Variants in BBS5 observed in about 807,000 individuals in gnomAD.
The protein encoded by BBS5 is BBSome complex member BBS5.
Under a neutral mutation model 50.2 loss-of-function variants are expected in BBS5, and 39 were observed. The observed-to-expected ratio is 0.78, with a 90% CI of 0.60 to 1.01. The LOEUF (loss-of-function observed/expected upper bound fraction) is 1.01. Ranked by LOEUF, BBS5 falls within the 50% of genes least tolerant of loss-of-function variation. The probability of loss-of-function intolerance (pLI) is 0.00; values close to 1 mark genes in which losing one functional copy is unlikely to be tolerated. For synonymous variants in BBS5, 134 were observed against 133.1 expected (o/e 1.01, Z -0.05); for missense variants, 356 against 401.5 (o/e 0.89, Z 0.97).
intron 5 of BBS5, 115 bp from the exon 6 acceptor site, chr2:169,492,757 CAT>C (rs1479515237): frequency 1.1e-6 from 1 of 912,288 alleles, no homozygotes; most frequent in Non-Finnish European, 1.7e-6. Flanking sequence ...TAAAATGTAT[CAT>C]AATTATTTGA....
chr2:169,479,632 G>T lies in BBS5; in HGVS notation c.59+20G>T. 1 of 1,613,704 alleles carries T rather than the reference G, an allele frequency of 6.2e-7. No homozygotes were observed. The highest frequency in any genetic ancestry group is 8.5e-7 in the Non-Finnish European group (1 of 1,179,630). On this transcript the variant is annotated intron_variant, in intron 1 of 11. Transcript: ENST00000295240. ...CGCGCAGTGAGTTTCCAAGATTCCCGAGGGATCTTCAACCCTGTAGAGGGC... is the reference window on the plus strand; with the variant it reads ...CGCGCAGTGAGTTTCCAAGATTCCCTAGGGATCTTCAACCCTGTAGAGGGC...
intron 5 of BBS5, among the ~76,000 whole-genome samples, chr2:169,488,324 G>A (rs185408379): frequency 4.9e-4 from 74 of 152,318 alleles, no homozygotes; most frequent in Middle Eastern, 6.8e-3. Flanking sequence ...TCACCATAAT[G>A]TAGAATCAGT....
intron 7 of BBS5, among the ~76,000 whole-genome samples, chr2:169,494,675 C>T (rs1243525974): frequency 6.6e-6 from 1 of 152,036 alleles, no homozygotes; most frequent in African/African-American, 2.4e-5. Context: ...AAATAAGTGA[C>T]TCAGTGAAAC....
intron 5 of BBS5, among the ~76,000 whole-genome samples, chr2:169,491,945 C>A (rs1354559187): frequency 6.6e-6 from 1 of 152,166 alleles, no homozygotes; most frequent in South Asian, 2.1e-4. Context: ...TACAAGTGCA[C>A]ACCACCACAC....
rs1399697137 is a variant in BBS5 at position 169,493,808 on chromosome 2, TTAATGTCA to T, written c.591_598del (p.Phe197LeufsTer13). The T allele has an allele frequency of 5.6e-6, 9 of 1,608,934 alleles. No individual in the cohort carries two copies. The African/African-American group carries it at 1.2e-4, about 22-fold the overall frequency. On this transcript the variant is annotated frameshift_variant, in exon 7 of 12. Coordinates refer to ENST00000295240, the MANE Select transcript of BBS5 (RefSeq NM_152384.3). LOFTEE classifies it high-confidence loss of function. ...TGGCATGCAAATATGAATGATAGTT[TTAATGTCA>T]GTATACCATATCTGCAAATTGTAAG... is the stretch of plus-strand genomic sequence containing the variant.
At position 169,504,353 on chromosome 2, in the gene BBS5, A is replaced by G. The variant is rs1683862320; in HGVS notation, c.924+27A>G. 3 of 1,610,004 alleles carry G rather than the reference A, an allele frequency of 1.9e-6. No individual in the cohort carries two copies. In the South Asian group the frequency reaches 3.3e-5, roughly 18 times the overall value. On this transcript the variant is annotated intron_variant, in intron 11 of 11. Transcript: ENST00000295240. ...TAAGGACATTTATTTTACCTACAGT[A>G]TATGAAAAAAGTTTCTAAATTCCAA...
In BBS5 at chr2:169,505,094, A is replaced by T; in HGVS notation, c.*512A>T. On this transcript the variant is annotated 3_prime_UTR_variant, in exon 12 of 12. Transcript: ENST00000295240. ...CTCAGCCTGCCGAGTGCCTGCGATT[A>T]CAGGCGCGCGCCGCCACACCTGACT... 9.2e-7 allele frequency: 1 copy of T among 1,081,906 alleles called. No homozygotes were observed. The highest frequency in any genetic ancestry group is 1.4e-6 in the Non-Finnish European group (1 of 719,048). The allele number at this position is 1,081,906 out of a possible 1,614,324, so 67.0% of individuals were successfully genotyped here.
intron 2 of BBS5, among the ~76,000 whole-genome samples, chr2:169,485,341 A>C (rs1559121512): frequency 7.1e-6 from 1 of 140,218 alleles, no homozygotes; most frequent in Non-Finnish European, 1.6e-5. Flanking sequence ...CAATAATAAA[A>C]ACAGTAAAAC....
rs6735397 is a variant in BBS5, at chr2:169,490,455, A to G, written c.386+2341A>G. On this transcript the variant is annotated intron_variant, in intron 5 of 11. Transcript: ENST00000295240. ...ATGGTCTCGATCTCCTGACCTTGTG[A>G]TCCGCCCACCTTGGCCTTCCAAAGT... is the stretch of plus-strand genomic sequence containing the variant. 9.1e-3 allele frequency among the ~76,000 whole-genome samples: 1,379 copies of G among 152,190 alleles called. 28 individuals are homozygous for G. Among genetic ancestry groups the G allele is most frequent in the African/African-American group, 0.031 (1,303 of 41,514 alleles).
In BBS5 at chr2:169,491,301, C is replaced by T. The variant is rs78065018; in HGVS notation, c.387-1573C>T. On this transcript the variant is annotated intron_variant, in intron 5 of 11. Coordinates refer to ENST00000295240, the MANE Select transcript of BBS5 (RefSeq NM_152384.3). ...ATTAAAAACACTATGTGCTTCCCCC[C>T]CAAAATAATTTATAGCATAAATAGT... Among the ~76,000 whole-genome samples, 1,046 of 152,156 alleles carry T rather than the reference C, an allele frequency of 6.9e-3. 12 individuals are homozygous for T. The highest frequency in any genetic ancestry group is 0.024 in the African/African-American group (1,002 of 41,516).
chr2:169,480,786 A>AT (rs1683377318), intron 1 of BBS5, among the ~76,000 whole-genome samples: 1 of 146,278 alleles, frequency 6.8e-6, no homozygotes, highest in Admixed American at 7.2e-5. Context: ...GGTTCAAGCA[A>AT]TTCTCCTGCC....
intron 9 of BBS5, among the ~76,000 whole-genome samples, chr2:169,501,712 C>T (rs1402111920): frequency 6.6e-6 from 1 of 152,014 alleles, no homozygotes; most frequent in Non-Finnish European, 1.5e-5. Context: ...CATTGCACTG[C>T]AGCAATGACC....
In BBS5 at chr2:169,505,154, G is replaced by C. The variant is rs1486813922; in HGVS notation, c.*572G>C. Reference sequence around the variant, plus strand: ...ATTTTTTTGGTGGAGACGGGGTTTCGCTGTGTTGGCCGGGCTGGTCTCCAG... The same window carrying C: ...ATTTTTTTGGTGGAGACGGGGTTTCCCTGTGTTGGCCGGGCTGGTCTCCAG... On this transcript the variant is annotated 3_prime_UTR_variant, in exon 12 of 12. Transcript: ENST00000295240. The C allele has an allele frequency of 9.2e-6, 6 of 649,800 alleles. No individual in the cohort carries two copies. Among genetic ancestry groups the C allele is most frequent in the East Asian group, 5.9e-5 (2 of 34,054 alleles). 40.3% of individuals were successfully genotyped at this position (649,800 alleles called of 1,614,324 possible).
chr2:169,504,468 G>A lies in BBS5; in HGVS notation c.925-13G>A. The A allele has an allele frequency of 6.2e-7, 1 of 1,610,314 alleles. No individual in the cohort carries two copies. The highest frequency in any genetic ancestry group is 8.5e-7 in the Non-Finnish European group (1 of 1,176,972). On this transcript the variant is annotated splice_polypyrimidine_tract_variant and intron_variant, in intron 11 of 11. Coordinates refer to ENST00000295240, the MANE Select transcript of BBS5 (RefSeq NM_152384.3). ...TTCTCTATTCCCATCTTATCCTCCT[G>A]TCTCCCAAAAAGCAACAAGATCGTG...
chr2:169,498,711 G>A (rs1177741892), intron 8 of BBS5, among the ~76,000 whole-genome samples: 5 of 151,568 alleles, frequency 3.3e-5, no homozygotes, highest in Non-Finnish European at 5.9e-5. Flanking sequence ...AGAGGCTGAG[G>A]CAGGAGAATG....
chr2:169,480,595 TGAAAGA>T (rs1232070188), intron 1 of BBS5, among the ~76,000 whole-genome samples: 1 of 150,690 alleles, frequency 6.6e-6, no homozygotes, highest in Non-Finnish European at 1.5e-5. Flanking sequence ...TTTAAGAAGA[TGAAAGA>T]GAAAGGAATT....
At chr2:169,490,294 C>T (rs1174814808) in intron 5 of BBS5, among the ~76,000 whole-genome samples, 1 of 148,524 alleles carries the variant, frequency 6.7e-6, no homozygotes, top group Non-Finnish European at 1.5e-5. Flanking sequence ...CCCGGGTTCA[C>T]GCCATTCTCC....
At chr2:169,483,837 C>T (rs1050790203) in intron 2 of BBS5, among the ~76,000 whole-genome samples, 4 of 152,102 alleles carry the variant, frequency 2.6e-5, no homozygotes, top group African/African-American at 9.7e-5. Context: ...TGGCAGCAAA[C>T]GAAAAGTCTT....
Position 169,479,507 on chromosome 2 carries a change from T to G in BBS5, c.-47T>G. ...TGCCTTGGAGCCAGAGAGACGCAGCTAGGCCTGCACGGCTGTGGAGAGATC... is the reference window on the plus strand; with the variant it reads ...TGCCTTGGAGCCAGAGAGACGCAGCGAGGCCTGCACGGCTGTGGAGAGATC... On this transcript the variant is annotated 5_prime_UTR_variant, in exon 1 of 12. Transcript: ENST00000295240. The G allele has an allele frequency of 6.2e-7, 1 of 1,608,304 alleles. No homozygotes were observed. The highest frequency in any genetic ancestry group is 1.1e-5 in the South Asian group (1 of 90,786).
Sources: gnomAD v4.1 joint callset for allele counts (sites outside exome capture counted in the v4.1 genomes callset) on GRCh38, gnomAD v4.1.1 for gene constraint, MANE v1.5 for transcripts, NCBI Gene and HGNC (gene_info 2026-07-23, HGNC 2026-07-21) for gene names.